B3GALT1: variants seen among roughly 807,000 people sequenced by gnomAD.
The protein encoded by B3GALT1 is beta-1,3-galactosyltransferase 1.
In B3GALT1, 10 loss-of-function variants were observed where a neutral mutation model predicts 23.2. The observed-to-expected ratio is 0.43, with a 90% CI of 0.27 to 0.73. The LOEUF (loss-of-function observed/expected upper bound fraction) is 0.73, where lower values mean the gene tolerates loss of function less well. B3GALT1 is among the 30% of genes least tolerant of loss of function. B3GALT1 has a pLI of 0.21. For missense variants in B3GALT1, 299 were observed against 405.4 expected (o/e 0.74, Z 2.25); for synonymous variants, 156 against 141.5 (o/e 1.10, Z -0.73).
At chr2:167,294,139 C>G (rs949961843) in intron 1 of B3GALT1, among the ~76,000 whole-genome samples, 1 of 152,148 alleles carries the variant, frequency 6.6e-6, no homozygotes, top group Non-Finnish European at 1.5e-5. Flanking sequence ...AGCGGGGCTC[C>G]GACGCCCGAC....
chr2:167,722,343 A>G (rs935443227), intron 3 of B3GALT1, among the ~76,000 whole-genome samples: 1 of 152,234 alleles, frequency 6.6e-6, no homozygotes, highest in African/African-American at 2.4e-5. Flanking sequence ...TATATAAACA[A>G]TTGACTGCTC....
intron 2 of B3GALT1, among the ~76,000 whole-genome samples, chr2:167,551,376 G>C (rs571534455): frequency 6.6e-6 from 1 of 152,244 alleles, no homozygotes; most frequent in East Asian, 1.9e-4. Context: ...TTGGATAAGG[G>C]GGTAGAAAAA....
intron 1 of B3GALT1, among the ~76,000 whole-genome samples, chr2:167,422,240 C>T (rs1553518370): frequency 2.0e-5 from 3 of 147,376 alleles, no homozygotes; most frequent in Non-Finnish European, 4.5e-5. Context: ...CTTCCCGTCT[C>T]CCTCTCTCTG....
chr2:167,410,677 C>T (rs547297581), intron 1 of B3GALT1, among the ~76,000 whole-genome samples: 1 of 152,056 alleles, frequency 6.6e-6, no homozygotes, highest in African/African-American at 2.4e-5. Context: ...TGCAGCAAAC[C>T]ACCATGGCAC....
intron 4 of B3GALT1, among the ~76,000 whole-genome samples, chr2:167,839,685 G>C (rs1689588296): frequency 6.6e-6 from 1 of 152,276 alleles, no homozygotes; most frequent in African/African-American, 2.4e-5. Context: ...CTACTTTAAA[G>C]TTCATATGGA....
Position 167,790,241 on chromosome 2 carries a change from C to A in B3GALT1, c.-351-28431C>A, listed in dbSNP as rs76528022. On this transcript the variant is annotated intron_variant, in intron 3 of 4. Transcript: ENST00000392690. ...AGAAATATAATTCTACCCAGTGAGT[C>A]AGACTCACCTTTTTCTGAAGCTTTG... Among the ~76,000 whole-genome samples the A allele has an allele frequency of 3.6e-3, 548 of 152,244 alleles. 5 individuals are homozygous for A. Among genetic ancestry groups the A allele is most frequent in the African/African-American group, 0.012 (518 of 41,534 alleles).
At position 167,542,851 on chromosome 2, in the gene B3GALT1, C is replaced by A. The variant is rs535533990; in HGVS notation, c.-410+52574C>A. ...AAAGAACTCAGGTAGATTCTAAAAC[C>A]AACAGTGACATTATTTAGATGTATA... On this transcript the variant is annotated intron_variant, in intron 2 of 4. Transcript: ENST00000392690. 4.0e-5 allele frequency among the ~76,000 whole-genome samples: 6 copies of A among 151,134 alleles called. No individual in the cohort carries two copies. In the South Asian group the frequency reaches 1.3e-3, roughly 32 times the overall value.
chr2:167,324,736 T>C (rs1696866393), intron 1 of B3GALT1, among the ~76,000 whole-genome samples: 1 of 152,136 alleles, frequency 6.6e-6, no homozygotes, highest in Admixed American at 6.5e-5. Flanking sequence ...CTTTTCTGGC[T>C]ATTTTGAAAA....
intron 1 of B3GALT1, among the ~76,000 whole-genome samples, chr2:167,481,599 C>T (rs1699564140): frequency 6.6e-6 from 1 of 152,156 alleles, no homozygotes; most frequent in Admixed American, 6.5e-5. Flanking sequence ...TATTGAATGC[C>T]TATGTGCCAG....
At chr2:167,687,251 AAGAG>A (rs1201730549) in intron 3 of B3GALT1, among the ~76,000 whole-genome samples, 6 of 152,202 alleles carry the variant, frequency 3.9e-5, no homozygotes, top group Non-Finnish European at 7.3e-5. Context: ...TTCTCATTGA[AAGAG>A]AGAACTTGAG....
chr2:167,364,456 A>G (rs1273667432), intron 1 of B3GALT1, among the ~76,000 whole-genome samples: 7 of 151,732 alleles, frequency 4.6e-5, no homozygotes, highest in Non-Finnish European at 8.8e-5. Flanking sequence ...TTAACTTGTC[A>G]TAGGTATATC....
At chr2:167,491,697 C>G (rs1488404841) in intron 2 of B3GALT1, among the ~76,000 whole-genome samples, 1 of 151,770 alleles carries the variant, frequency 6.6e-6, no homozygotes, top group Non-Finnish European at 1.5e-5. Flanking sequence ...TGTCTGTGGT[C>G]TCAGCTACTC....
intron 2 of B3GALT1, among the ~76,000 whole-genome samples, chr2:167,551,729 C>T (rs562428680): frequency 1.6e-4 from 24 of 152,196 alleles, no homozygotes; most frequent in Non-Finnish European, 3.1e-4. Flanking sequence ...CCAGACGAGG[C>T]ACATTTTCTT....
At chr2:167,583,224 C>T (rs1272451845) in intron 2 of B3GALT1, among the ~76,000 whole-genome samples, 3 of 152,162 alleles carry the variant, frequency 2.0e-5, no homozygotes, top group Non-Finnish European at 4.4e-5. Context: ...CCTTTCTTTT[C>T]CTTTTGTCCC....
At chr2:167,513,844 C>CAGTAAAAA (rs1700063506) in intron 2 of B3GALT1, among the ~76,000 whole-genome samples, 1 of 152,068 alleles carries the variant, frequency 6.6e-6, no homozygotes, top group African/African-American at 2.4e-5. Context: ...TTTACTGCTG[C>CAGTAAAAA]TATAAACTTA....
rs1406145422 is a variant in B3GALT1 at position 167,521,982 on chromosome 2, G to GTATATATATATA, written c.-410+31706_-410+31707insATATATATATAT. Among the ~76,000 whole-genome samples the GTATATATATATA allele has an allele frequency of 1.2e-4, 16 of 135,226 alleles. No homozygotes were observed. The East Asian group carries it at 2.2e-3, about 18-fold the overall frequency. 88.7% of individuals were successfully genotyped at this position (135,226 alleles called of 152,430 possible). On this transcript the variant is annotated intron_variant, in intron 2 of 4. Coordinates refer to ENST00000392690, the MANE Select transcript of B3GALT1 (RefSeq NM_020981.4). ...TACCAACATATATGTGTGTGTGTGTGTGTATATATATATATATATATATAC... is the reference window on the plus strand; with the variant it reads ...TACCAACATATATGTGTGTGTGTGTGTATATATATATATGTATATATATATATATATATATAC...
At chr2:167,637,830 C>CT (rs201770741) in intron 2 of B3GALT1, among the ~76,000 whole-genome samples, 96 of 145,872 alleles carry the variant, frequency 6.6e-4, no homozygotes, top group East Asian at 3.8e-3. Context: ...TGATTCCACT[C>CT]TTTTTTTTTT....
At chr2:167,726,946 G>A (rs780235877) in intron 3 of B3GALT1, among the ~76,000 whole-genome samples, 25 of 152,200 alleles carry the variant, frequency 1.6e-4, no homozygotes, top group Non-Finnish European at 2.8e-4. Context: ...CAAGGCTAGG[G>A]AAGATATATG....
chr2:167,800,409 G>C (rs1558983147), intron 3 of B3GALT1, among the ~76,000 whole-genome samples: 1 of 152,036 alleles, frequency 6.6e-6, no homozygotes, highest in East Asian at 1.9e-4. Flanking sequence ...ACTCCCACCT[G>C]AACTACCCTC....
Sources: gnomAD v4.1 joint callset for allele counts (sites outside exome capture counted in the v4.1 genomes callset) on GRCh38, gnomAD v4.1.1 for gene constraint, MANE v1.5 for transcripts, NCBI Gene and HGNC (gene_info 2026-07-23, HGNC 2026-07-21) for gene names.